Variants in RASSF5 observed in about 807,000 individuals in gnomAD.
The protein encoded by RASSF5 is ras association domain-containing protein 5.
A neutral mutation model predicts 40.5 loss-of-function variants in RASSF5; 25 were observed. The observed-to-expected ratio is 0.62, with a 90% CI of 0.45 to 0.86. RASSF5 has a LOEUF of 0.86. Ranked by LOEUF, RASSF5 falls within the 40% of genes least tolerant of loss-of-function variation. The pLI, the probability that RASSF5 is intolerant of heterozygous loss-of-function variation, is 0.00. For synonymous variants in RASSF5, 246 were observed against 252.4 expected (o/e 0.97, Z 0.24); for missense variants, 521 against 572.8 (o/e 0.91, Z 0.92).
intron 2 of RASSF5, among the ~76,000 whole-genome samples, chr1:206,576,551 T>C (rs1176713146): frequency 2.6e-5 from 4 of 152,062 alleles, no homozygotes; most frequent in African/African-American, 9.7e-5. Flanking sequence ...ACAGGAAACA[T>C]AGGAAGTATG....
intron 2 of RASSF5, among the ~76,000 whole-genome samples, chr1:206,567,845 A>G (rs144337447): frequency 2.2e-4 from 34 of 152,228 alleles, no homozygotes; most frequent in Non-Finnish European, 3.5e-4. Context: ...TTACTGGTAA[A>G]CACTCAATCC....
chr1:206,571,258 T>C (rs1415443243), intron 2 of RASSF5: 2 of 150,228 alleles, frequency 1.3e-5, no homozygotes, highest in Non-Finnish European at 3.0e-5. Flanking sequence ...TATCTGTTCA[T>C]GTCCATTGTC....
At position 206,559,447 on chromosome 1, in the gene RASSF5, G is replaced by T. The variant is rs141526052; in HGVS notation, c.579+21154G>T. ...CTATAAGAAAATACACTGGGATGGG[G>T]TTGGTGTGGGGGATGGCTTGCTCCA... On this transcript the variant is annotated intron_variant, in intron 2 of 5. Coordinates refer to ENST00000579436, the MANE Select transcript of RASSF5 (RefSeq NM_182663.4). 3.9e-5 allele frequency among the ~76,000 whole-genome samples: 6 copies of T among 152,304 alleles called. No individual in the cohort carries two copies. In the East Asian group the frequency reaches 1.2e-3, roughly 29 times the overall value.
At chr1:206,576,661 A>C (rs560861906) in intron 2 of RASSF5, among the ~76,000 whole-genome samples, 3 of 152,372 alleles carry the variant, frequency 2.0e-5, no homozygotes, top group African/African-American at 7.2e-5. Context: ...CAGAGGATGG[A>C]GAGATGGCTA....
chr1:206,515,975 T>C (rs1666736568), intron 1 of RASSF5, among the ~76,000 whole-genome samples: 1 of 152,240 alleles, frequency 6.6e-6, no homozygotes, highest in African/African-American at 2.4e-5. Flanking sequence ...AGAGAAAGCG[T>C]TGAGCATATT....
At chr1:206,526,623 T>C (rs1553397250) in intron 1 of RASSF5, among the ~76,000 whole-genome samples, 1 of 152,068 alleles carries the variant, frequency 6.6e-6, no homozygotes, top group Non-Finnish European at 1.5e-5. Context: ...ACTATCACAG[T>C]CTCTCCGCCT....
At chr1:206,512,846 A>G (rs1666653400) in intron 1 of RASSF5, among the ~76,000 whole-genome samples, 1 of 152,240 alleles carries the variant, frequency 6.6e-6, no homozygotes, top group Non-Finnish European at 1.5e-5. Context: ...GCATGTCAGT[A>G]GTGCCTTTTC....
chr1:206,515,161 T>C (rs1190811403), intron 1 of RASSF5, among the ~76,000 whole-genome samples: 1 of 152,046 alleles, frequency 6.6e-6, no homozygotes, highest in Non-Finnish European at 1.5e-5. Context: ...CTTCTGCTGG[T>C]GAATGCTGAA....
rs1553401124 is a variant in RASSF5 at position 206,552,186 on chromosome 1, C to T, written c.579+13893C>T. ...TGAGTCTAACCTAAATGGTGTGCCA[C>T]CACTCACCTCTTACAACAGGAAGTC... On this transcript the variant is annotated intron_variant, in intron 2 of 5. Transcript: ENST00000579436. This position sits in a 1 kb window ranked among gnomAD's most constrained non-coding sequence, Gnocchi z 4.1. Among the ~76,000 whole-genome samples the T allele has an allele frequency of 6.6e-6, 1 of 152,182 alleles. No individual in the cohort carries two copies. Among genetic ancestry groups the T allele is most frequent in the African/African-American group, 2.4e-5 (1 of 41,426 alleles).
chr1:206,547,123 A>T (rs929252791), intron 2 of RASSF5, among the ~76,000 whole-genome samples: 6 of 152,184 alleles, frequency 3.9e-5, no homozygotes, highest in African/African-American at 7.2e-5. Flanking sequence ...ACCAAAAAAA[A>T]TTTTAAAAAA....
At chr1:206,516,672 TG>T (rs1203743640) in intron 1 of RASSF5, among the ~76,000 whole-genome samples, 36 of 152,274 alleles carry the variant, frequency 2.4e-4, no homozygotes, top group African/African-American at 8.4e-4. Flanking sequence ...TTAGCCAGGA[TG>T]GTCTCAATCT....
chr1:206,523,079 C>T (rs1666949445), intron 1 of RASSF5, among the ~76,000 whole-genome samples: 2 of 151,554 alleles, frequency 1.3e-5, no homozygotes, highest in African/African-American at 4.8e-5. Flanking sequence ...CTGAGGTGGG[C>T]AGACCACCTG....
chr1:206,523,731 T>A (rs371574268), intron 1 of RASSF5, among the ~76,000 whole-genome samples: 12 of 81,652 alleles, frequency 1.5e-4, no homozygotes, highest in African/African-American at 2.1e-4. Flanking sequence ...ATTTATATAT[T>A]ATATATAATA....
chr1:206,510,691 A>G (rs982775510), intron 1 of RASSF5, among the ~76,000 whole-genome samples: 2 of 151,942 alleles, frequency 1.3e-5, no homozygotes, highest in Admixed American at 6.6e-5. Flanking sequence ...TAGAAATGCC[A>G]CTCCTACCTG....
chr1:206,511,222 G>A (rs1553394605), intron 1 of RASSF5, among the ~76,000 whole-genome samples: 1 of 152,204 alleles, frequency 6.6e-6, no homozygotes, highest in East Asian at 1.9e-4. Flanking sequence ...GTGAGCCCAT[G>A]TGTGTGTTTT....
At position 206,552,359 on chromosome 1, in the gene RASSF5, A is replaced by G. The variant is rs1667863496; in HGVS notation, c.579+14066A>G. On this transcript the variant is annotated intron_variant, in intron 2 of 5. Coordinates refer to ENST00000579436, the MANE Select transcript of RASSF5 (RefSeq NM_182663.4). This position sits in a 1 kb window ranked among gnomAD's most constrained non-coding sequence, Gnocchi z 4.1. ...GAGTCAGATGGAAGGTGTGGGAGGT[A>G]TGGATGATATTGGGGAATATGTGTC... Among the ~76,000 whole-genome samples, 1 of 152,200 alleles carries G rather than the reference A, an allele frequency of 6.6e-6. No homozygotes were observed. The highest frequency in any genetic ancestry group is 1.5e-5 in the Non-Finnish European group (1 of 68,012).
rs78403400 is a variant in RASSF5, at chr1:206,587,416, T to C, written c.*438T>C. 6.2e-3 allele frequency: 1,594 copies of C among 257,556 alleles called. 35 individuals are homozygous for C. The highest frequency in any genetic ancestry group is 0.034 in the African/African-American group (1,477 of 43,722). 16.0% of individuals were successfully genotyped at this position (257,556 alleles called of 1,614,324 possible). On this transcript the variant is annotated 3_prime_UTR_variant, in exon 6 of 6. Coordinates refer to ENST00000579436, the MANE Select transcript of RASSF5 (RefSeq NM_182663.4). Reference sequence around the variant, plus strand: ...AGGACCATTATTTATGAGTGAAAAGTTGTAGCACATTCCTTTTGCAGGTCT... The same window carrying C: ...AGGACCATTATTTATGAGTGAAAAGCTGTAGCACATTCCTTTTGCAGGTCT...
At chr1:206,538,437 C>G in intron 2 of RASSF5, 144 bp downstream of exon 2, 1 of 1,137,626 alleles carries the variant, frequency 8.8e-7, no homozygotes, top group Non-Finnish European at 1.3e-6. Flanking sequence ...CACAGACACC[C>G]TGTTCCAAGG....
In RASSF5 at chr1:206,518,915, G is replaced by A. The variant is rs374508590; in HGVS notation, c.457+10856G>A. ...TGTTTTCCATTCTGCCTATCCTGTA[G>A]CCCTTCAGACCCTGCCAAGTTGCTG... On this transcript the variant is annotated intron_variant, in intron 1 of 5. Transcript: ENST00000579436. Among the ~76,000 whole-genome samples the A allele has an allele frequency of 7.9e-5, 12 of 151,352 alleles. No homozygotes were observed. The East Asian group carries it at 1.2e-3, about 15-fold the overall frequency.
Sources: allele counts gnomAD v4.1 joint callset (sites outside exome capture counted in the v4.1 genomes callset), GRCh38; gene constraint gnomAD v4.1.1; non-coding constraint Gnocchi (gnomAD v3.1); transcripts MANE v1.5; gene names NCBI Gene and HGNC (gene_info 2026-07-23, HGNC 2026-07-21).